The following FOXRED1 variants were observed in gnomAD, a reference collection of about 807,000 sequenced individuals.
FOXRED1 encodes the protein FAD-dependent oxidoreductase domain-containing protein 1.
FOXRED1 carries 52 observed loss-of-function variants against 57.8 expected under a neutral mutation model. That is an observed-to-expected ratio of 0.90 (90% CI 0.72 to 1.13). The LOEUF (loss-of-function observed/expected upper bound fraction) is 1.13, where lower values mean the gene tolerates loss of function less well. Among genes scored for constraint, FOXRED1 ranks in the 50% most tolerant of loss-of-function variants. FOXRED1 has a pLI of 0.00. For synonymous variants in FOXRED1, 271 were observed against 248.3 expected, an observed-to-expected ratio of 1.09 and a Z score of -0.86; for missense variants, 589 against 625.2, an observed-to-expected ratio of 0.94 and a Z score of 0.62.
chr11:126,274,682 A>G lies in FOXRED1; in HGVS notation c.537-245A>G, dbSNP rs973740531. 6.0e-5 allele frequency: 32 copies of G among 533,722 alleles called. No individual in the cohort carries two copies. Among genetic ancestry groups the G allele is most frequent in the African/African-American group, 4.0e-4 (21 of 51,954 alleles). 33.1% of individuals were successfully genotyped at this position (533,722 alleles called of 1,614,324 possible). A position where few individuals can be genotyped will look rare whatever the true frequency, so the allele number is the denominator to read the frequency against. ...AAGAAGTCATGGAATAGACTGGGAT[A>G]GCAGGGAGCTCTGTGTGCTGAAGGG... On this transcript the variant is annotated intron_variant, in intron 4 of 10. Transcript: ENST00000263578. This position sits in a 1 kb window ranked among gnomAD's most constrained non-coding sequence, Gnocchi z 4.8.
In FOXRED1 at chr11:126,277,568, GC is replaced by G. The variant is rs587776499; in HGVS notation, c.1341del (p.Ile448LeufsTer5). 1 of 1,613,792 alleles carries G rather than the reference GC, an allele frequency of 6.2e-7. No homozygotes were observed. Among genetic ancestry groups the G allele is most frequent in the East Asian group, 2.2e-5 (1 of 44,886 alleles). On this transcript the variant is annotated frameshift_variant, in exon 11 of 11. Coordinates refer to ENST00000263578, the MANE Select transcript of FOXRED1 (RefSeq NM_017547.4). LOFTEE classifies it high-confidence loss of function. The surrounding 1 kb of genome is among the most constrained non-coding windows in gnomAD (Gnocchi z 6.8). ...GGTCACGGGCTCCAGCAGGCCCCTG[GC>G]ATTGGGCGAGCTGTAGCAGAGATGG... ...FSGHGLQQAP[G>X]IGRAVAEMVL...
In FOXRED1 at chr11:126,277,879, T is replaced by C. The variant is rs77902129; in HGVS notation, c.*190T>C. On this transcript the variant is annotated 3_prime_UTR_variant, in exon 11 of 11. Coordinates refer to ENST00000263578, the MANE Select transcript of FOXRED1 (RefSeq NM_017547.4). The surrounding 1 kb of genome is among the most constrained non-coding windows in gnomAD (Gnocchi z 6.8). ...CAGTGAGGCCGAGGCCAATAGCGAG[T>C]GATGAGCGGGATCCTAGGACTGATC... is the stretch of plus-strand genomic sequence containing the variant. 4,386 of 707,762 alleles carry C rather than the reference T, an allele frequency of 6.2e-3. 113 individuals are homozygous for C. The highest frequency in any genetic ancestry group is 0.056 in the African/African-American group (3,202 of 57,382). The allele number at this position is 707,762 out of a possible 1,614,324, so 43.8% of individuals were successfully genotyped here.
intron 1 of FOXRED1, among the ~76,000 whole-genome samples, chr11:126,270,458 A>G (rs1950952363): frequency 6.6e-6 from 1 of 152,234 alleles, no homozygotes; most frequent in South Asian, 2.1e-4. Flanking sequence ...TACAAACTGC[A>G]GTTGTGTCCA....
rs911115068 is a variant in FOXRED1 at position 126,272,080 on chromosome 11, G to A, written c.306+423G>A. Among the ~76,000 whole-genome samples, 6 of 148,660 alleles carry A rather than the reference G, an allele frequency of 4.0e-5. No homozygotes were observed. The highest frequency in any genetic ancestry group is 8.9e-5 in the Non-Finnish European group (6 of 67,520). Reference sequence around the variant, plus strand: ...AGGTTCAAGTGATTATCCCACCTCCGCCCCCTGAGTAGCTGAGATTACAGG... The same window carrying A: ...AGGTTCAAGTGATTATCCCACCTCCACCCCCTGAGTAGCTGAGATTACAGG... On this transcript the variant is annotated intron_variant, in intron 2 of 10. Coordinates refer to ENST00000263578, the MANE Select transcript of FOXRED1 (RefSeq NM_017547.4). This position sits in a 1 kb window ranked among gnomAD's most constrained non-coding sequence, Gnocchi z 4.6.
In FOXRED1 at chr11:126,271,026, G is replaced by A. The variant is rs1950972566; in HGVS notation, c.86-411G>A. ...TTTGGTGGTGGTGATGGATATCCAGGATAAGCATGGCACCGCTTAGCGGTG... is the reference window on the plus strand; with the variant it reads ...TTTGGTGGTGGTGATGGATATCCAGAATAAGCATGGCACCGCTTAGCGGTG... On this transcript the variant is annotated intron_variant, in intron 1 of 10. Transcript: ENST00000263578. This position sits in a 1 kb window ranked among gnomAD's most constrained non-coding sequence, Gnocchi z 5.3. 7.4e-6 allele frequency: 2 copies of A among 269,294 alleles called. No homozygotes were observed. The highest frequency in any genetic ancestry group is 1.5e-5 in the Non-Finnish European group (2 of 137,442). 16.7% of individuals were successfully genotyped at this position (269,294 alleles called of 1,614,324 possible).
In FOXRED1 at chr11:126,275,990, C is replaced by T. The variant is rs1951118020; in HGVS notation, c.811-69C>T. 1 of 1,595,190 alleles carries T rather than the reference C, an allele frequency of 6.3e-7. No homozygotes were observed. The highest frequency in any genetic ancestry group is 8.6e-7 in the Non-Finnish European group (1 of 1,163,562). On this transcript the variant is annotated intron_variant, in intron 7 of 10. Coordinates refer to ENST00000263578, the MANE Select transcript of FOXRED1 (RefSeq NM_017547.4). The surrounding 1 kb of genome is among the most constrained non-coding windows in gnomAD (Gnocchi z 5.9). ...TATGGGTAAACTAAGGCTCAGGAAG[C>T]AGTGCATCTCTCAGGGTGCCTGGTG...
Position 126,273,490 on chromosome 11 carries a change from G to A in FOXRED1, c.536+36G>A. 2.1e-6 allele frequency: 3 copies of A among 1,409,280 alleles called. No homozygotes were observed. Among genetic ancestry groups the A allele is most frequent in the Non-Finnish European group, 3.0e-6 (3 of 993,776 alleles). 87.3% of individuals were successfully genotyped at this position (1,409,280 alleles called of 1,614,324 possible). On this transcript the variant is annotated intron_variant, in intron 4 of 10. Coordinates refer to ENST00000263578, the MANE Select transcript of FOXRED1 (RefSeq NM_017547.4). This position sits in a 1 kb window ranked among gnomAD's most constrained non-coding sequence, Gnocchi z 5.9. ...GGCACAGCCTCTTAGCTGCTTGGCA[G>A]CCAAAGGTGTTGGGTGACTCCTGCA... is the stretch of plus-strand genomic sequence containing the variant.
rs768776511 is a variant in FOXRED1, at chr11:126,269,190, C to T, written c.-17C>T. ...GGCAGCAGTGCAGCTTTCAGAGGGT[C>T]CGGGCTCAGAGGGGTTATGATTCGG... On this transcript the variant is annotated 5_prime_UTR_variant, in exon 1 of 11. Transcript: ENST00000263578. 1.9e-6 allele frequency: 3 copies of T among 1,597,628 alleles called. No individual in the cohort carries two copies. Among genetic ancestry groups the T allele is most frequent in the South Asian group, 2.2e-5 (2 of 90,668 alleles).
Position 126,273,465 on chromosome 11 carries a change from G to A in FOXRED1, c.536+11G>A, listed in dbSNP as rs1951047863. On this transcript the variant is annotated intron_variant, in intron 4 of 10. Coordinates refer to ENST00000263578, the MANE Select transcript of FOXRED1 (RefSeq NM_017547.4). This position sits in a 1 kb window ranked among gnomAD's most constrained non-coding sequence, Gnocchi z 5.9. ...CGTGAAAGTGCAGAGGTGGGTGCCT[G>A]GCACAGCCTCTTAGCTGCTTGGCAG... is the stretch of plus-strand genomic sequence containing the variant. 2 of 1,565,198 alleles carry A rather than the reference G, an allele frequency of 1.3e-6. No homozygotes were observed. Among genetic ancestry groups the A allele is most frequent in the Non-Finnish European group, 1.8e-6 (2 of 1,135,782 alleles).
rs375352144 is a variant in FOXRED1 at position 126,273,467 on chromosome 11, C to A, written c.536+13C>A. ...TGAAAGTGCAGAGGTGGGTGCCTGG[C>A]ACAGCCTCTTAGCTGCTTGGCAGCC... On this transcript the variant is annotated intron_variant, in intron 4 of 10. Transcript: ENST00000263578. This position sits in a 1 kb window ranked among gnomAD's most constrained non-coding sequence, Gnocchi z 5.9. The A allele has an allele frequency of 6.4e-7, 1 of 1,560,776 alleles. No homozygotes were observed. The highest frequency in any genetic ancestry group is 8.8e-7 in the Non-Finnish European group (1 of 1,131,792).
In FOXRED1 at chr11:126,273,180, T is replaced by G; in HGVS notation, c.417+101T>G. ...AAGGTAGCCAGAGAGCAAGAATGGGTCAGCCAACTAGGAGAGGGGGGCCCT... is the reference window on the plus strand; with the variant it reads ...AAGGTAGCCAGAGAGCAAGAATGGGGCAGCCAACTAGGAGAGGGGGGCCCT... On this transcript the variant is annotated intron_variant, in intron 3 of 10. Transcript: ENST00000263578. The surrounding 1 kb of genome is among the most constrained non-coding windows in gnomAD (Gnocchi z 5.9). 2 of 968,802 alleles carry G rather than the reference T, an allele frequency of 2.1e-6. No individual in the cohort carries two copies. The highest frequency in any genetic ancestry group is 3.4e-6 in the Non-Finnish European group (2 of 591,612). The allele number at this position is 968,802 out of a possible 1,614,324, so 60.0% of individuals were successfully genotyped here. A position where few individuals can be genotyped will look rare whatever the true frequency, so the allele number is the denominator to read the frequency against.
chr11:126,270,268 C>T (rs1950945721), intron 1 of FOXRED1, among the ~76,000 whole-genome samples: 1 of 152,096 alleles, frequency 6.6e-6, no homozygotes, highest in African/African-American at 2.4e-5. Flanking sequence ...AAGGCCAGAC[C>T]AAAGAAAGAT....
chr11:126,275,222 T>G lies in FOXRED1; in HGVS notation c.632-105T>G. 2.1e-6 allele frequency: 2 copies of G among 943,570 alleles called. No homozygotes were observed. Among genetic ancestry groups the G allele is most frequent in the Non-Finnish European group, 3.5e-6 (2 of 579,582 alleles). 58.4% of individuals were successfully genotyped at this position (943,570 alleles called of 1,614,324 possible). A position where few individuals can be genotyped will look rare whatever the true frequency, so the allele number is the denominator to read the frequency against. On this transcript the variant is annotated intron_variant, in intron 5 of 10. Transcript: ENST00000263578. The surrounding 1 kb of genome is among the most constrained non-coding windows in gnomAD (Gnocchi z 5.9). ...TGTGGTTCAGTTGGTTAAGATGACC[T>G]TCCCCGGCTTACAAGCCCTAGAGAG... is the stretch of plus-strand genomic sequence containing the variant.
At position 126,274,705 on chromosome 11, in the gene FOXRED1, G is replaced by T; in HGVS notation, c.537-222G>T. The T allele has an allele frequency of 3.4e-6, 2 of 589,404 alleles. No homozygotes were observed. Among genetic ancestry groups the T allele is most frequent in the Non-Finnish European group, 3.1e-6 (1 of 325,226 alleles). The allele number at this position is 589,404 out of a possible 1,614,324, so 36.5% of individuals were successfully genotyped here. ...ATAGCAGGGAGCTCTGTGTGCTGAA[G>T]GGAGACAAGGGAGTAGGGAAGGAAA... is the stretch of plus-strand genomic sequence containing the variant. On this transcript the variant is annotated intron_variant, in intron 4 of 10. Transcript: ENST00000263578. The surrounding 1 kb of genome is among the most constrained non-coding windows in gnomAD (Gnocchi z 4.8).
Position 126,271,844 on chromosome 11 carries a change from CT to C in FOXRED1, c.306+189del. On this transcript the variant is annotated intron_variant, in intron 2 of 10. Transcript: ENST00000263578. The surrounding 1 kb of genome is among the most constrained non-coding windows in gnomAD (Gnocchi z 5.3). Reference sequence around the variant, plus strand: ...GATCTTCCTCAGTCGAACCAGGAAGCTTGGCAATAAGGTTTGTTCTTTTGAA... The same window carrying C: ...GATCTTCCTCAGTCGAACCAGGAAGCTGGCAATAAGGTTTGTTCTTTTGAA... The C allele has an allele frequency of 1.6e-6, 1 of 627,790 alleles. No individual in the cohort carries two copies. The highest frequency in any genetic ancestry group is 1.8e-5 in the South Asian group (1 of 57,092). 38.9% of individuals were successfully genotyped at this position (627,790 alleles called of 1,614,324 possible).
In FOXRED1 at chr11:126,273,024, T is replaced by C; in HGVS notation, c.362T>C (p.Leu121Ser). 1 of 1,608,144 alleles carries C rather than the reference T, an allele frequency of 6.2e-7. No homozygotes were observed. The highest frequency in any genetic ancestry group is 8.5e-7 in the Non-Finnish European group (1 of 1,174,478). The change falls in exon 3 of 11, where the codon TTG becomes TCG. Residue 121 changes from leucine to serine, a missense_variant. Transcript: ENST00000263578. This position sits in a 1 kb window ranked among gnomAD's most constrained non-coding sequence, Gnocchi z 5.9. ...SVGGICQQFS[L>S]PENIQLSLFS... ...GGTGGGATTTGTCAGCAGTTCTCAT[T>C]GCCTGAGAACATCCAGCTCTCCCTC...
In FOXRED1 at chr11:126,277,597, C is replaced by G. The variant is rs1284236637; in HGVS notation, c.1369C>G (p.Leu457Val). The G allele has an allele frequency of 1.9e-6, 3 of 1,613,788 alleles. No homozygotes were observed. The Admixed American group carries it at 5.0e-5, about 27-fold the overall frequency. Residue 457 changes from leucine to valine, a missense_variant, in exon 11 of 11, where the codon CTG (leucine) becomes GTG (valine). By Grantham distance (32) the Leu-to-Val change is conservative (BLOSUM62 1). Transcript: ENST00000263578. This position sits in a 1 kb window ranked among gnomAD's most constrained non-coding sequence, Gnocchi z 6.8. ...TGGGCGAGCTGTAGCAGAGATGGTA[C>G]TGAAGGGCAGGTTCCAGACCATCGA... ...GIGRAVAEMV[L>V]KGRFQTIDLS...
rs1028929781 is a variant in FOXRED1 at position 126,271,945 on chromosome 11, A to T, written c.306+288A>T. 2.5e-6 allele frequency: 1 copy of T among 401,876 alleles called. No individual in the cohort carries two copies. Among genetic ancestry groups the T allele is most frequent in the Non-Finnish European group, 4.7e-6 (1 of 213,900 alleles). The allele number at this position is 401,876 out of a possible 1,614,324, so 24.9% of individuals were successfully genotyped here. On this transcript the variant is annotated intron_variant, in intron 2 of 10. Coordinates refer to ENST00000263578, the MANE Select transcript of FOXRED1 (RefSeq NM_017547.4). This position sits in a 1 kb window ranked among gnomAD's most constrained non-coding sequence, Gnocchi z 5.3. ...GAGAGCCTGCATTCAAGCTATAATTAAGTGTCTCAATTTTCTCTTTTTTTT... is the reference window on the plus strand; with the variant it reads ...GAGAGCCTGCATTCAAGCTATAATTTAGTGTCTCAATTTTCTCTTTTTTTT...
Position 126,275,221 on chromosome 11 carries a change from CT to C in FOXRED1, c.632-104del, listed in dbSNP as rs1951096270. On this transcript the variant is annotated intron_variant, in intron 5 of 10. Transcript: ENST00000263578. This position sits in a 1 kb window ranked among gnomAD's most constrained non-coding sequence, Gnocchi z 5.9. ...CTGTGGTTCAGTTGGTTAAGATGAC[CT>C]TCCCCGGCTTACAAGCCCTAGAGAG... is the stretch of plus-strand genomic sequence containing the variant. 1 of 939,710 alleles carries C rather than the reference CT, an allele frequency of 1.1e-6. No homozygotes were observed. Among genetic ancestry groups the C allele is most frequent in the African/African-American group, 1.6e-5 (1 of 62,000 alleles). The allele number at this position is 939,710 out of a possible 1,614,324, so 58.2% of individuals were successfully genotyped here. A position where few individuals can be genotyped will look rare whatever the true frequency, so the allele number is the denominator to read the frequency against.
Sources: allele counts gnomAD v4.1 joint callset (sites outside exome capture counted in the v4.1 genomes callset), GRCh38; gene constraint gnomAD v4.1.1; non-coding constraint Gnocchi (gnomAD v3.1); transcripts MANE v1.5; gene names NCBI Gene and HGNC (gene_info 2026-07-23, HGNC 2026-07-21).